SPEG: variants seen among roughly 807,000 people sequenced by gnomAD.
SPEG encodes striated muscle preferentially expressed protein kinase.
Under a neutral mutation model 300.4 loss-of-function variants are expected in SPEG, and 114 were observed. The ratio of observed to expected loss-of-function variants is 0.38; its 90% CI spans 0.33 to 0.44. The LOEUF is 0.44. Ranked by LOEUF, SPEG falls within the 20% of genes least tolerant of loss-of-function variation. The pLI, the probability that SPEG is intolerant of heterozygous loss-of-function variation, is 1.00. For synonymous variants in SPEG, 1,964 were observed against 2,018.9 expected (o/e 0.97, Z 0.73); for missense variants, 4,201 against 4,586.2 (o/e 0.92, Z 2.43).
intron 11 of SPEG, 37 bp downstream of exon 11, chr2:219,468,773 C>T (rs568143770): frequency 6.2e-7 from 1 of 1,611,444 alleles, no homozygotes. Flanking sequence ...AGGGCCCCCC[C>T]AAGGGCCCAG....
chr2:219,493,318 TG>T lies in SPEG; in HGVS notation c.*534del, dbSNP rs1694137863. ...GCAGAGGGAGAAGAGAGGACTCAGG[TG>T]GAGGTGGGGTGGGTCAGCTGTCAGC... On this transcript the variant is annotated 3_prime_UTR_variant, in exon 41 of 41. Transcript: ENST00000312358. 2.8e-6 allele frequency: 1 copy of T among 356,010 alleles called. No homozygotes were observed. Among genetic ancestry groups the T allele is most frequent in the Non-Finnish European group, 5.5e-6 (1 of 180,450 alleles). The allele number at this position is 356,010 out of a possible 1,614,324, so 22.1% of individuals were successfully genotyped here. A position where few individuals can be genotyped will look rare whatever the true frequency, so the allele number is the denominator to read the frequency against.
chr2:219,468,894 C>A lies in SPEG; in HGVS notation c.3337C>A (p.Arg1113=). ...PMEESENLRL[R]QDGGLHSLHI... ...GGAGGAGAGTGAGAACTTGCGGCTG[C>A]GGCAGGACGGGGGTCTGCACTCACT... is the stretch of plus-strand genomic sequence containing the variant. The change falls in exon 12 of 41, where the codon CGG becomes AGG. Residue 1113 remains arginine, a synonymous_variant. Transcript: ENST00000312358. The A allele has an allele frequency of 1.9e-6, 3 of 1,613,324 alleles. No homozygotes were observed. The highest frequency in any genetic ancestry group is 2.2e-5 in the South Asian group (2 of 91,028).
intron 6 of SPEG, among the ~76,000 whole-genome samples, chr2:219,454,363 C>T (rs574440196): frequency 1.5e-4 from 23 of 152,238 alleles, no homozygotes; most frequent in Admixed American, 8.5e-4. Context: ...TCTCCCAAAG[C>T]GGATGTGTGG....
intron 6 of SPEG, chr2:219,460,255 C>T: frequency 1.0e-6 from 1 of 968,548 alleles, no homozygotes; most frequent in Non-Finnish European, 1.2e-6. Flanking sequence ...AGATTCTTCC[C>T]CCACCTCTGT....
chr2:219,474,413 G>A (rs1263184230), intron 18 of SPEG: 3 of 155,734 alleles, frequency 1.9e-5, no homozygotes, highest in African/African-American at 7.3e-5. Context: ...ATTGAGCCTA[G>A]TATGTGCCAG....
At chr2:219,450,219 A>G (rs1236347173) in intron 4 of SPEG, among the ~76,000 whole-genome samples, 1 of 152,170 alleles carries the variant, frequency 6.6e-6, no homozygotes, top group Non-Finnish European at 1.5e-5. Flanking sequence ...ACACACAACT[A>G]TGTGCCAGCA....
rs1275866494 is a variant in SPEG at position 219,484,277 on chromosome 2, C to A, written c.6814C>A (p.Pro2272Thr). The change falls in exon 30 of 41, where the codon CCC becomes ACC. Residue 2272 changes from proline (P) to threonine (T), a missense_variant. Physicochemically the swap from Pro to Thr is conservative, Grantham distance 38. This residue lies in a region of SPEG where 1,578 missense variants were observed against 1,506.0 expected (regional missense o/e 1.05). Transcript: ENST00000312358. ...SQGPAAPPSE[P>T]KPHAAVFARV... The stretch of plus-strand genomic sequence containing the variant: ...GGGCCCTGCCGCGCCGCCTTCAGAG[C>A]CCAAGCCCCACGCTGCTGTCTTTGC... 2 of 1,608,786 alleles carry A rather than the reference C, an allele frequency of 1.2e-6. No homozygotes were observed. The highest frequency in any genetic ancestry group is 2.2e-5 in the South Asian group (2 of 91,036).
At chr2:219,475,809 A>T (rs1692285142) in intron 18 of SPEG, among the ~76,000 whole-genome samples, 1 of 152,028 alleles carries the variant, frequency 6.6e-6, no homozygotes, top group Non-Finnish European at 1.5e-5. Flanking sequence ...CCCCTATTCC[A>T]CTAGACCCCA....
At chr2:219,485,790 T>G (rs1693360588) in intron 31 of SPEG, among the ~76,000 whole-genome samples, 1 of 152,198 alleles carries the variant, frequency 6.6e-6, no homozygotes, top group Non-Finnish European at 1.5e-5. Context: ...ACAGGGCTAG[T>G]AAGTGGAGCA....
chr2:219,435,146 G>C lies in SPEG; in HGVS notation c.169G>C (p.Gly57Arg). The change falls in exon 1 of 41, where the codon GGC (glycine) becomes CGC (arginine). Residue 57 changes from glycine (G) to arginine (R), a missense_variant. By Grantham distance (125) the Gly-to-Arg change is moderately radical. Transcript: ENST00000312358. Reference sequence around the variant, plus strand: ...CCTGAAGAACGCGGCGGTGTGCGCGGGCAGCGACGTGCGGCTGCGGGTGGT... The same window carrying C: ...CCTGAAGAACGCGGCGGTGTGCGCGCGCAGCGACGTGCGGCTGCGGGTGGT... ...RPLKNAAVCA[G>R]SDVRLRVVVS... 6.8e-7 allele frequency: 1 copy of C among 1,462,610 alleles called. No homozygotes were observed. Among genetic ancestry groups the C allele is most frequent in the East Asian group, 2.9e-5 (1 of 34,284 alleles). 90.6% of individuals were successfully genotyped at this position (1,462,610 alleles called of 1,614,324 possible). A position where few individuals can be genotyped will look rare whatever the true frequency, so the allele number is the denominator to read the frequency against.
At chr2:219,491,938 AAC>A (rs1172322373) in intron 39 of SPEG, 69 bp downstream of exon 39, 1 of 1,429,224 alleles carries the variant, frequency 7.0e-7, no homozygotes, top group Non-Finnish European at 9.5e-7. Context: ...ACCTTCTGCC[AAC>A]ACCCTCTCCC....
Position 219,434,889 on chromosome 2 carries a change from C to G in SPEG, c.-89C>G. 1 of 873,208 alleles carries G rather than the reference C, an allele frequency of 1.1e-6. No individual in the cohort carries two copies. The allele number at this position is 873,208 out of a possible 1,614,324, so 54.1% of individuals were successfully genotyped here. ...GGCAGCAGGAAGGCAGGCCGCCGGC[C>G]CCCCAGACTTGTCTCCTAGGGCACC... On this transcript the variant is annotated 5_prime_UTR_variant, in exon 1 of 41. Transcript: ENST00000312358.
Position 219,481,442 on chromosome 2 carries a change from G to A in SPEG, c.5508G>A (p.Leu1836=). The change falls in exon 27 of 41, where the codon TTG becomes TTA. Residue 1836 remains leucine (L), a synonymous_variant. Coordinates refer to ENST00000312358, the MANE Select transcript of SPEG (RefSeq NM_005876.5). This position sits in a 1 kb window ranked among gnomAD's most constrained non-coding sequence, Gnocchi z 5.4. ...REARGFLIKV[L]VQDRLRPTAE... The stretch of plus-strand genomic sequence containing the variant: ...CCCGGGGCTTCCTCATCAAAGTGTT[G>A]GTGCAGGACCGGCTGTGAGTACAAG... The A allele has an allele frequency of 2.5e-6, 4 of 1,614,106 alleles. No individual in the cohort carries two copies. The highest frequency in any genetic ancestry group is 3.4e-6 in the Non-Finnish European group (4 of 1,180,012).
Position 219,445,277 on chromosome 2 carries a change from A to G in SPEG, c.815+116A>G. 1 of 1,012,334 alleles carries G rather than the reference A, an allele frequency of 9.9e-7. No homozygotes were observed. The highest frequency in any genetic ancestry group is 1.5e-6 in the Non-Finnish European group (1 of 670,222). The allele number at this position is 1,012,334 out of a possible 1,614,324, so 62.7% of individuals were successfully genotyped here. On this transcript the variant is annotated intron_variant, in intron 3 of 40. Coordinates refer to ENST00000312358, the MANE Select transcript of SPEG (RefSeq NM_005876.5). This position sits in a 1 kb window ranked among gnomAD's most constrained non-coding sequence, Gnocchi z 6.1. The stretch of plus-strand genomic sequence containing the variant: ...CCCTGCCCCATCCATCTCTCTGTGC[A>G]TTTCTTCACCCCCTGCTGCCACTCC...
In SPEG at chr2:219,491,701, A is replaced by G. The variant is rs113255274; in HGVS notation, c.9386-93A>G. On this transcript the variant is annotated intron_variant, in intron 38 of 40. Transcript: ENST00000312358. ...ATTCCCATGGTCTGGTGACCAGGAC[A>G]TTGTCCTGCTGCTCAAGCACCCAGG... is the stretch of plus-strand genomic sequence containing the variant. 1.8e-3 allele frequency: 1,684 copies of G among 951,540 alleles called. 14 individuals are homozygous for G. In the African/African-American group the frequency reaches 0.024, roughly 14 times the overall value. The allele number at this position is 951,540 out of a possible 1,614,324, so 58.9% of individuals were successfully genotyped here.
intron 1 of SPEG, chr2:219,441,599 G>C (rs760186595): frequency 2.8e-5 from 13 of 470,608 alleles, no homozygotes; most frequent in Non-Finnish European, 5.7e-5. Context: ...GAGGAGGTGA[G>C]GGTGGGAGGA....
chr2:219,463,454 C>T (rs1298375575), intron 8 of SPEG, among the ~76,000 whole-genome samples: 1 of 114,970 alleles, frequency 8.7e-6, no homozygotes, highest in Admixed American at 1.1e-4. Flanking sequence ...CTCTTTGTCG[C>T]CCAGGCTGGA....
rs765319097 is a variant in SPEG at position 219,476,912 on chromosome 2, G to A, written c.4490G>A (p.Gly1497Glu). The change falls in exon 19 of 41, where the codon GGG becomes GAG. Residue 1497 changes from glycine to glutamate, a missense_variant. Around this residue, in one of 4 missense-constraint regions of SPEG, gnomAD observed 1,047 missense variants for 1,356.8 expected, o/e 0.77. Transcript: ENST00000312358. ...FESIMEDVEV[G>E]AGETARFAVV... Reference sequence around the variant, plus strand: ...TCCATCATGGAGGACGTGGAGGTGGGGGCTGGGGAAACTGCTCGCTTTGCG... The same window carrying A: ...TCCATCATGGAGGACGTGGAGGTGGAGGCTGGGGAAACTGCTCGCTTTGCG... 23 of 1,613,836 alleles carry A rather than the reference G, an allele frequency of 1.4e-5. No individual in the cohort carries two copies. The highest frequency in any genetic ancestry group is 1.9e-5 in the Non-Finnish European group (22 of 1,179,956).
In SPEG at chr2:219,477,390, C is replaced by T. The variant is rs759746314; in HGVS notation, c.4674C>T (p.Thr1558=). Residue 1558 remains threonine, a synonymous_variant, in exon 20 of 41, where the codon ACC becomes ACT. Transcript: ENST00000312358. This position sits in a 1 kb window ranked among gnomAD's most constrained non-coding sequence, Gnocchi z 6.4. The part of the protein sequence containing the change: ...GAQDGGVYTC[T]AQNLAGEVSC... ...AGGATGGAGGCGTCTACACCTGCACCGCCCAGAACCTGGCGGGTGAGGTCT... is the reference window on the plus strand; with the variant it reads ...AGGATGGAGGCGTCTACACCTGCACTGCCCAGAACCTGGCGGGTGAGGTCT... 15 of 1,609,260 alleles carry T rather than the reference C, an allele frequency of 9.3e-6. No individual in the cohort carries two copies. The highest frequency in any genetic ancestry group is 2.2e-5 in the South Asian group (2 of 90,168).
Sources: allele counts gnomAD v4.1 joint callset (sites outside exome capture counted in the v4.1 genomes callset), GRCh38; gene constraint gnomAD v4.1.1; regional missense constraint gnomAD v4.1.1; non-coding constraint Gnocchi (gnomAD v3.1); transcripts MANE v1.5; gene names NCBI Gene and HGNC (gene_info 2026-07-23, HGNC 2026-07-21).